The following ANKS1B variants were observed in gnomAD, a reference collection of about 807,000 sequenced individuals.
The protein encoded by ANKS1B is ankyrin repeat and sterile alpha motif domain-containing protein 1B.
In ANKS1B, 36 loss-of-function variants were observed where a neutral mutation model predicts 148.3. That is an observed-to-expected ratio of 0.24 (90% CI 0.19 to 0.32). The LOEUF is 0.32. Among genes scored for constraint, ANKS1B ranks in the 10% least tolerant of loss-of-function variants. The pLI, the probability that ANKS1B is intolerant of heterozygous loss-of-function variation, is 1.00. For synonymous variants in ANKS1B, 542 were observed against 560.8 expected (o/e 0.97, Z 0.47); for missense variants, 1,157 against 1,542.6 (o/e 0.75, Z 4.19).
chr12:99,563,108 T>C (rs532903641), intron 9 of ANKS1B, among the ~76,000 whole-genome samples: 1 of 152,352 alleles, frequency 6.6e-6, no homozygotes, highest in East Asian at 1.9e-4. Flanking sequence ...TAAGAGAATA[T>C]TGTGGCTGAT....
chr12:99,255,011 C>T (rs1270278280), intron 12 of ANKS1B, among the ~76,000 whole-genome samples: 1 of 152,090 alleles, frequency 6.6e-6, no homozygotes, highest in Non-Finnish European at 1.5e-5. Context: ...GATTACTCAC[C>T]TCACAGAAAT....
intron 8 of ANKS1B, among the ~76,000 whole-genome samples, chr12:99,662,923 A>C (rs2098484685): frequency 6.6e-6 from 1 of 152,056 alleles, no homozygotes; most frequent in African/African-American, 2.4e-5. Flanking sequence ...TTAGCTCTTT[A>C]AATTCTTCTC....
chr12:99,758,909 T>A (rs1360660977), intron 8 of ANKS1B, among the ~76,000 whole-genome samples: 2 of 151,812 alleles, frequency 1.3e-5, no homozygotes, highest in African/African-American at 4.8e-5. Flanking sequence ...CAAAAGGAAA[T>A]CTTTCAAAGC....
At chr12:99,616,679 A>T (rs1249146774) in intron 9 of ANKS1B, among the ~76,000 whole-genome samples, 1 of 152,230 alleles carries the variant, frequency 6.6e-6, no homozygotes, top group Non-Finnish European at 1.5e-5. Context: ...ACCTAAAACC[A>T]TAAAAACCCT....
In ANKS1B at chr12:99,653,665, CCTTT is replaced by C. The variant is rs1482108257; in HGVS notation, c.1272+1398_1272+1401del. Among the ~76,000 whole-genome samples, 832 of 145,170 alleles carry C rather than the reference CCTTT, an allele frequency of 5.7e-3. 3 individuals are homozygous for C. The highest frequency in any genetic ancestry group is 8.9e-3 in the Non-Finnish European group (594 of 66,990). On this transcript the variant is annotated intron_variant, in intron 9 of 26. Transcript: ENST00000683438. ...GATAAAGAAGACATTTTTTTCTCTT[CCTTT>C]CTTTCTTTCTTTTTTTTTTTTTTTT...
intron 4 of ANKS1B, among the ~76,000 whole-genome samples, chr12:99,798,250 A>T (rs751872294): frequency 6.6e-6 from 1 of 151,926 alleles, no homozygotes; most frequent in Non-Finnish European, 1.5e-5. Flanking sequence ...CAGAGAAAAT[A>T]GCACAGATAG....
At chr12:98,941,158 A>C (rs2099836048) in intron 17 of ANKS1B, among the ~76,000 whole-genome samples, 1 of 152,166 alleles carries the variant, frequency 6.6e-6, no homozygotes, top group African/African-American at 2.4e-5. Context: ...TTCTGTTTAA[A>C]GACACCTTCT....
At position 99,825,289 on chromosome 12, in the gene ANKS1B, T is replaced by A. The variant is rs557418072; in HGVS notation, c.215+20A>T. 1 of 1,597,458 alleles carries A rather than the reference T, an allele frequency of 6.3e-7. No homozygotes were observed. Among genetic ancestry groups the A allele is most frequent in the South Asian group, 1.1e-5 (1 of 89,674 alleles). ...ATGTAACTAAATACACACGATTCCG[T>A]CCAAATAAGTGGCACTTACTTATGT... On this transcript the variant is annotated intron_variant, in intron 2 of 26. Transcript: ENST00000683438.
intron 17 of ANKS1B, among the ~76,000 whole-genome samples, chr12:98,937,149 CG>C (rs1337077439): frequency 1.3e-5 from 2 of 152,084 alleles, no homozygotes; most frequent in African/African-American, 4.8e-5. Context: ...ATGGTTCATT[CG>C]GGTAGAGGAG....
intron 1 of ANKS1B, among the ~76,000 whole-genome samples, chr12:99,971,937 A>C (rs1322473109): frequency 6.6e-6 from 1 of 152,212 alleles, no homozygotes; most frequent in Non-Finnish European, 1.5e-5. Flanking sequence ...TATAGGAACC[A>C]TGTGTCTAAC....
At chr12:99,634,748 C>A (rs1205608113) in intron 9 of ANKS1B, among the ~76,000 whole-genome samples, 1 of 152,054 alleles carries the variant, frequency 6.6e-6, no homozygotes, top group African/African-American at 2.4e-5. Flanking sequence ...AAAGCACAAG[C>A]AACAAAAGTA....
intron 1 of ANKS1B, among the ~76,000 whole-genome samples, chr12:99,918,449 A>C (rs949266951): frequency 1.3e-5 from 2 of 152,230 alleles, no homozygotes; most frequent in African/African-American, 4.8e-5. Context: ...TTAAAAGAGA[A>C]TCTGAGTTAA....
chr12:99,315,177 T>C (rs374773707), intron 12 of ANKS1B, among the ~76,000 whole-genome samples: 1 of 151,498 alleles, frequency 6.6e-6, no homozygotes, highest in Admixed American at 6.6e-5. Context: ...GAGGCAGAGG[T>C]TGCAGTGAGC....
intron 9 of ANKS1B, among the ~76,000 whole-genome samples, chr12:99,611,820 T>C (rs2097904851): frequency 6.6e-6 from 1 of 152,108 alleles, no homozygotes; most frequent in South Asian, 2.1e-4. Flanking sequence ...ATACCTAATG[T>C]ACATTCCAGG....
At chr12:99,512,934 G>A (rs927906392) in intron 9 of ANKS1B, among the ~76,000 whole-genome samples, 1 of 151,830 alleles carries the variant, frequency 6.6e-6, no homozygotes, top group South Asian at 2.1e-4. Flanking sequence ...AGAAAGAATA[G>A]CTAATAGATG....
At chr12:99,935,761 A>G (rs955667668) in intron 1 of ANKS1B, among the ~76,000 whole-genome samples, 3 of 152,186 alleles carry the variant, frequency 2.0e-5, no homozygotes, top group Admixed American at 1.3e-4. Context: ...GCCCACCCAG[A>G]TAATGGCCCT....
intron 17 of ANKS1B, among the ~76,000 whole-genome samples, chr12:98,930,854 G>A (rs1366986456): frequency 2.0e-5 from 3 of 152,024 alleles, no homozygotes. Context: ...GAAAACCACT[G>A]AATTGTACAT....
intron 17 of ANKS1B, among the ~76,000 whole-genome samples, chr12:99,022,380 T>C (rs1180056621): frequency 1.3e-5 from 2 of 152,276 alleles, no homozygotes; most frequent in African/African-American, 4.8e-5. Flanking sequence ...GAATGGGAAA[T>C]TAATCTATTG....
intron 17 of ANKS1B, among the ~76,000 whole-genome samples, chr12:98,839,396 T>C (rs1296044680): frequency 4.6e-5 from 2 of 43,822 alleles, no homozygotes; most frequent in Non-Finnish European, 1.4e-4. Flanking sequence ...TGTATGTATG[T>C]ATCTATCTTT....
Sources: allele counts gnomAD v4.1 joint callset (sites outside exome capture counted in the v4.1 genomes callset), GRCh38; gene constraint gnomAD v4.1.1; transcripts MANE v1.5; gene names NCBI Gene and HGNC (gene_info 2026-07-23, HGNC 2026-07-21).